Variants in SLC4A4 observed in about 807,000 individuals in gnomAD.
SLC4A4 encodes the protein electrogenic sodium bicarbonate cotransporter 1.
A neutral mutation model predicts 111.5 loss-of-function variants in SLC4A4; 27 were observed. That is an observed-to-expected ratio of 0.24 (90% CI 0.18 to 0.33). SLC4A4 has a LOEUF of 0.33. Ranked by LOEUF, SLC4A4 falls within the 10% of genes least tolerant of loss-of-function variation. The pLI is 1.00. For missense variants in SLC4A4, 909 were observed against 1,315.5 expected, an observed-to-expected ratio of 0.69 and a Z score of 4.78; for synonymous variants, 443 against 463.4, an observed-to-expected ratio of 0.96 and a Z score of 0.57.
chr4:71,176,365 G>A (rs2630553), intron 2 of SLC4A4, among the ~76,000 whole-genome samples: 27,607 of 151,926 alleles, frequency 0.18, 5,644 homozygotes, highest in African/African-American at 0.51. Flanking sequence ...AAGGCTTCAG[G>A]TGATCAAACT....
intron 1 of SLC4A4, among the ~76,000 whole-genome samples, chr4:71,192,375 C>T (rs1745771512): frequency 6.6e-6 from 1 of 152,082 alleles, no homozygotes; most frequent in African/African-American, 2.4e-5. Flanking sequence ...CTAGGACATC[C>T]CTCAGAGTCA....
chr4:71,337,429 C>T (rs1728519540), intron 3 of SLC4A4, among the ~76,000 whole-genome samples: 1 of 151,960 alleles, frequency 6.6e-6, no homozygotes, highest in African/African-American at 2.4e-5. Flanking sequence ...GCTATTTTGA[C>T]TTCATATTTT....
intron 1 of SLC4A4, among the ~76,000 whole-genome samples, chr4:71,224,573 T>C (rs187225497): frequency 6.6e-6 from 1 of 152,318 alleles, no homozygotes; most frequent in Admixed American, 6.5e-5. Flanking sequence ...GAGCTAATAA[T>C]ATTTGTAAAG....
chr4:71,337,644 A>G (rs545505100), intron 3 of SLC4A4, among the ~76,000 whole-genome samples: 1 of 152,258 alleles, frequency 6.6e-6, no homozygotes, highest in African/African-American at 2.4e-5. Context: ...GGATATATAC[A>G]CTATTTAAAA....
At chr4:71,321,117 A>G (rs570583100) in intron 3 of SLC4A4, among the ~76,000 whole-genome samples, 1 of 152,064 alleles carries the variant, frequency 6.6e-6, no homozygotes, top group African/African-American at 2.4e-5. Flanking sequence ...GCACACTTCA[A>G]TAGAAAATTA....
intron 12 of SLC4A4, among the ~76,000 whole-genome samples, chr4:71,459,699 G>T (rs1334289335): frequency 6.6e-6 from 1 of 152,000 alleles, no homozygotes; most frequent in African/African-American, 2.4e-5. Context: ...ATTTCTAGCA[G>T]AATGATAGCA....
intron 2 of SLC4A4, among the ~76,000 whole-genome samples, chr4:71,177,853 C>T (rs1247108651): frequency 6.6e-6 from 1 of 152,180 alleles, no homozygotes; most frequent in Non-Finnish European, 1.5e-5. Context: ...CGGAACTCTC[C>T]ACCCCAAATC....
rs1032940781 is a variant in SLC4A4, at chr4:71,451,311, A to G, written c.1322+10A>G. 4 of 1,546,424 alleles carry G rather than the reference A, an allele frequency of 2.6e-6. No individual in the cohort carries two copies. The highest frequency in any genetic ancestry group is 3.6e-6 in the Non-Finnish European group (4 of 1,118,324). ...TGCAGCGAACTGGACGGTAACTGAC[A>G]GTTTCCTTTGCCATTCATGATGAGG... On this transcript the variant is annotated intron_variant, in intron 11 of 25. Transcript: ENST00000264485.
At chr4:71,195,434 A>G (rs1346678935) in intron 1 of SLC4A4, among the ~76,000 whole-genome samples, 1 of 152,234 alleles carries the variant, frequency 6.6e-6, no homozygotes, top group East Asian at 1.9e-4. Flanking sequence ...AATGTGGCCA[A>G]TTTAGGGTGA....
intron 1 of SLC4A4, among the ~76,000 whole-genome samples, chr4:71,091,906 G>A (rs1055196901): frequency 2.6e-5 from 4 of 152,056 alleles, no homozygotes; most frequent in African/African-American, 9.7e-5. Flanking sequence ...ATTTTTTCCT[G>A]CATATTAAAT....
At chr4:71,526,004 C>T (rs1388119872) in intron 16 of SLC4A4, among the ~76,000 whole-genome samples, 2 of 151,850 alleles carry the variant, frequency 1.3e-5, no homozygotes, top group African/African-American at 4.8e-5. Flanking sequence ...TTTACAGACC[C>T]CATTGTGTAT....
At chr4:71,213,975 T>C (rs1718279237) in intron 1 of SLC4A4, among the ~76,000 whole-genome samples, 1 of 152,224 alleles carries the variant, frequency 6.6e-6, no homozygotes, top group South Asian at 2.1e-4. Context: ...CAGCCTGAGC[T>C]GACAAGACAC....
At chr4:71,325,665 C>T (rs565208783) in intron 3 of SLC4A4, among the ~76,000 whole-genome samples, 1 of 152,120 alleles carries the variant, frequency 6.6e-6, no homozygotes, top group East Asian at 1.9e-4. Context: ...CTCTGTTTCA[C>T]CTATATCAGG....
At chr4:71,275,606 A>G (rs958529048) in intron 3 of SLC4A4, among the ~76,000 whole-genome samples, 2 of 152,252 alleles carry the variant, frequency 1.3e-5, no homozygotes, top group Admixed American at 1.3e-4. Flanking sequence ...GAATAGTAGT[A>G]TCTTTTAGCA....
chr4:71,230,610 A>G (rs1162080721), intron 1 of SLC4A4, among the ~76,000 whole-genome samples: 1 of 152,228 alleles, frequency 6.6e-6, no homozygotes, highest in African/African-American at 2.4e-5. Flanking sequence ...GGAGAGAACC[A>G]GTGATATTAA....
intron 1 of SLC4A4, among the ~76,000 whole-genome samples, chr4:71,080,737 GCTC>G (rs1215562465): frequency 4.6e-5 from 7 of 152,016 alleles, no homozygotes; most frequent in Non-Finnish European, 1.0e-4. Flanking sequence ...TTACTGCCCA[GCTC>G]CTCCTCATTT....
chr4:71,281,924 C>CT lies in SLC4A4; in HGVS notation c.253+26539dup, dbSNP rs765763593. Among the ~76,000 whole-genome samples the CT allele has an allele frequency of 8.2e-3, 1,119 of 136,750 alleles. 8 individuals are homozygous for CT. Among genetic ancestry groups the CT allele is most frequent in the Non-Finnish European group, 0.012 (763 of 62,738 alleles). 89.7% of individuals were successfully genotyped at this position (136,750 alleles called of 152,430 possible). A position where few individuals can be genotyped will look rare whatever the true frequency, so the allele number is the denominator to read the frequency against. ...GTCATTTGATCTCTTTTTTCTCTTT[C>CT]TTTTTTTTTTTTTTGGTTTCCCTTT... is the stretch of plus-strand genomic sequence containing the variant. On this transcript the variant is annotated intron_variant, in intron 3 of 25. Transcript: ENST00000264485.
At chr4:71,300,918 T>C (rs1055890094) in intron 3 of SLC4A4, 18 of 523,782 alleles carry the variant, frequency 3.4e-5, no homozygotes. Context: ...CATGTCACAC[T>C]GAAGATAGAT....
At chr4:71,172,181 A>G (rs1009222724) in intron 2 of SLC4A4, among the ~76,000 whole-genome samples, 1 of 152,206 alleles carries the variant, frequency 6.6e-6, no homozygotes, top group Non-Finnish European at 1.5e-5. Context: ...TTACCTATCA[A>G]TAATTCAAAA....
Sources: allele counts gnomAD v4.1 joint callset (sites outside exome capture counted in the v4.1 genomes callset), GRCh38; gene constraint gnomAD v4.1.1; transcripts MANE v1.5; gene names NCBI Gene and HGNC (gene_info 2026-07-23, HGNC 2026-07-21).